Variants in LPIN1 observed in about 807,000 individuals in gnomAD.
LPIN1 encodes phosphatidate phosphatase LPIN1.
A neutral mutation model predicts 107.5 loss-of-function variants in LPIN1; 71 were observed. The observed-to-expected ratio is 0.66, with a 90% CI of 0.55 to 0.80. The LOEUF is 0.80. Ranked by LOEUF, LPIN1 falls within the 30% of genes least tolerant of loss-of-function variation. LPIN1 has a pLI of 0.00. For missense variants in LPIN1, 1,043 were observed against 1,160.6 expected, an observed-to-expected ratio of 0.90 and a Z score of 1.47; for synonymous variants, 445 against 452.6, an observed-to-expected ratio of 0.98 and a Z score of 0.21.
chr2:11,823,524 C>T (rs1385327019), intron 20 of LPIN1, among the ~76,000 whole-genome samples: 1 of 123,772 alleles, frequency 8.1e-6, no homozygotes, highest in Non-Finnish European at 1.8e-5. Flanking sequence ...AATATACACA[C>T]TCGGCTTCAT....
At chr2:11,768,851 GC>G (rs1671384503) in intron 3 of LPIN1, among the ~76,000 whole-genome samples, 1 of 152,122 alleles carries the variant, frequency 6.6e-6, no homozygotes, top group Non-Finnish European at 1.5e-5. Context: ...CAGGAGAATG[GC>G]GTGAACCCGG....
In LPIN1 at chr2:11,708,375, C is replaced by A. The variant is rs1212888619; in HGVS notation, c.82-5381C>A. On this transcript the variant is annotated intron_variant, in intron 1 of 21. Coordinates refer to the LPIN1 transcript ENST00000449576. ...TGAGTCATGGAAATGACTCCAAGGA[C>A]AGATTTGGGTGGAGGGTCAACCTTC... Among the ~76,000 whole-genome samples the A allele has an allele frequency of 2.0e-5, 3 of 152,010 alleles. No homozygotes were observed. The East Asian group carries it at 5.8e-4, about 29-fold the overall frequency.
chr2:11,684,456 G>T (rs1209641808), intron 1 of LPIN1, among the ~76,000 whole-genome samples: 1 of 152,210 alleles, frequency 6.6e-6, no homozygotes, highest in Non-Finnish European at 1.5e-5. Context: ...GGAATTACAG[G>T]CATGAGCCAC....
intron 14 of LPIN1, among the ~76,000 whole-genome samples, chr2:11,798,520 T>C (rs1013375083): frequency 6.6e-6 from 1 of 152,302 alleles, no homozygotes; most frequent in Admixed American, 6.5e-5. Flanking sequence ...TGTCACGGAT[T>C]TTCTCACTGT....
At chr2:11,687,686 T>C (rs758421706) in intron 1 of LPIN1, among the ~76,000 whole-genome samples, 52 of 152,226 alleles carry the variant, frequency 3.4e-4, no homozygotes, top group Non-Finnish European at 6.3e-4. Context: ...ACCTTCCCCA[T>C]AGGGCTGTCC....
chr2:11,742,933 T>C (rs577447604), upstream of LPIN1, among the ~76,000 whole-genome samples: 2 of 152,356 alleles, frequency 1.3e-5, no homozygotes, highest in East Asian at 3.9e-4. Context: ...CCGTGGTTCA[T>C]TCTGCTCCTT....
chr2:11,732,265 CTATATT>C (rs1219034884), intron 1 of LPIN1, among the ~76,000 whole-genome samples: 3 of 152,148 alleles, frequency 2.0e-5, no homozygotes, highest in Non-Finnish European at 2.9e-5. Flanking sequence ...CATTTGTTAC[CTATATT>C]TATAACAGAA....
In LPIN1 at chr2:11,783,917, C is replaced by CA; in HGVS notation, c.1358dup (p.Asn453LysfsTer86). The CA allele has an allele frequency of 6.2e-7, 1 of 1,613,902 alleles. No homozygotes were observed. The highest frequency in any genetic ancestry group is 8.5e-7 in the Non-Finnish European group (1 of 1,179,850). On this transcript the variant is annotated frameshift_variant, in exon 9 of 21. Transcript: ENST00000674199. LOFTEE classifies it high-confidence loss of function. ...CTGAAGTGGCGGCCCTGTATTTTCC[C>CA]AAAAAGTAAAATTCCTGTTAATTCC...
intron 14 of LPIN1, among the ~76,000 whole-genome samples, chr2:11,797,253 A>C (rs1271077708): frequency 6.6e-6 from 1 of 152,244 alleles, no homozygotes; most frequent in African/African-American, 2.4e-5. Flanking sequence ...TTGGCAAATT[A>C]ATCCACCTCT....
In LPIN1 at chr2:11,767,767, A is replaced by G. The variant is rs1172234877; in HGVS notation, c.197A>G (p.Asp66Gly). The change falls in exon 3 of 21, where the codon GAC becomes GGC. Residue 66 changes from aspartate to glycine, a missense_variant. By Grantham distance (94) the Asp-to-Gly change is moderately conservative (BLOSUM62 -1). Transcript: ENST00000674199. ...TTAACCATGTTTTCCCTTCAGGTTGACATAGAAATCAATGGGGAATCTGTG... is the reference window on the plus strand; with the variant it reads ...TTAACCATGTTTTCCCTTCAGGTTGGCATAGAAATCAATGGGGAATCTGTG... ...GVLRSREKVV[D>G]IEINGESVDL... is the part of the protein sequence containing the mutation. The G allele has an allele frequency of 1.9e-6, 3 of 1,602,328 alleles. No homozygotes were observed. The highest frequency in any genetic ancestry group is 2.2e-5 in the South Asian group (2 of 90,830).
rs74553884 is a variant in LPIN1 at position 11,791,596 on chromosome 2, A to G, written c.1714-318A>G. On this transcript the variant is annotated intron_variant, in intron 12 of 20. Coordinates refer to ENST00000674199, the MANE Select transcript of LPIN1 (RefSeq NM_001349206.2). ...TTAACCAGTTAGCCACTTTAATTTG[A>G]AAACTTCCAGTCTTACTAATCACTA... 3.2e-3 allele frequency: 3,756 copies of G among 1,167,678 alleles called. 92 individuals carry two copies. The African/African-American group carries it at 0.054, about 17-fold the overall frequency. The allele number at this position is 1,167,678 out of a possible 1,614,324, so 72.3% of individuals were successfully genotyped here. A position where few individuals can be genotyped will look rare whatever the true frequency, so the allele number is the denominator to read the frequency against.
intron 1 of LPIN1, among the ~76,000 whole-genome samples, chr2:11,751,334 TC>T (rs1667759280): frequency 6.6e-6 from 1 of 152,116 alleles, no homozygotes; most frequent in Admixed American, 6.5e-5. Flanking sequence ...CATCCTTCAC[TC>T]CCAGTTCTCT....
intron 14 of LPIN1, 53 bp from the exon 15 acceptor site, chr2:11,802,854 A>T: frequency 6.2e-7 from 1 of 1,605,438 alleles, no homozygotes; most frequent in Non-Finnish European, 8.5e-7. Flanking sequence ...TGCATTTTTC[A>T]TGGCTACCCA....
intron 1 of LPIN1, among the ~76,000 whole-genome samples, chr2:11,750,785 C>T (rs192458954): frequency 1.9e-3 from 258 of 135,602 alleles, no homozygotes; most frequent in African/African-American, 8.2e-3. Context: ...CTCTTACCTG[C>T]TGAGCTATAT....
chr2:11,731,441 A>G (rs1665219867), intron 1 of LPIN1, among the ~76,000 whole-genome samples: 1 of 152,150 alleles, frequency 6.6e-6, no homozygotes, highest in Non-Finnish European at 1.5e-5. Flanking sequence ...TCCATGGTGT[A>G]TATGTGCCAC....
At chr2:11,680,087 G>GCC (rs1025206703) in intron 1 of LPIN1, among the ~76,000 whole-genome samples, 1 of 152,208 alleles carries the variant, frequency 6.6e-6, no homozygotes, top group African/African-American at 2.4e-5. Context: ...GATCAGGCAG[G>GCC]CCCCCGATGG....
In LPIN1 at chr2:11,765,524, GT is replaced by G. The variant is rs1558843857; in HGVS notation, c.-9-5del. The G allele has an allele frequency of 6.2e-6, 10 of 1,601,424 alleles. No homozygotes were observed. Among genetic ancestry groups the G allele is most frequent in the Non-Finnish European group, 7.7e-6 (9 of 1,173,258 alleles). ...TGTCTGTGTGTGTTTTTTTTTGTCT[GT>G]TTTCCAGGTGCAGACCATGAATTAC... On this transcript the variant is annotated splice_polypyrimidine_tract_variant and splice_region_variant and intron_variant, in intron 1 of 20. Coordinates refer to ENST00000674199, the MANE Select transcript of LPIN1 (RefSeq NM_001349206.2). This position sits in a 1 kb window ranked among gnomAD's most constrained non-coding sequence, Gnocchi z 4.4.
chr2:11,820,587 G>C, intron 20 of LPIN1, 73 bp downstream of exon 20: 1 of 1,114,582 alleles, frequency 9.0e-7, no homozygotes, highest in Non-Finnish European at 1.4e-6. Context: ...CCCAGTTTGC[G>C]GTGTACCTTT....
chr2:11,784,967 C>T lies in LPIN1; in HGVS notation c.1440C>T (p.Ser480=). The T allele has an allele frequency of 6.2e-7, 1 of 1,613,938 alleles. No homozygotes were observed. Among genetic ancestry groups the T allele is most frequent in the Non-Finnish European group, 8.5e-7 (1 of 1,180,018 alleles). Residue 480 remains serine (S), a synonymous_variant, in exon 10 of 21, where the codon AGC becomes AGT. Coordinates refer to ENST00000674199, the MANE Select transcript of LPIN1 (RefSeq NM_001349206.2). ...SANQSPQSVG[S]SGVDSGVEST... ...ACCAGTCCCCGCAGTCGGTGGGCAG[C>T]TCGGGCGTGGACAGTGGCGTGGAGA...
Sources: allele counts gnomAD v4.1 joint callset (sites outside exome capture counted in the v4.1 genomes callset), GRCh38; gene constraint gnomAD v4.1.1; non-coding constraint Gnocchi (gnomAD v3.1); transcripts MANE v1.5; gene names NCBI Gene and HGNC (gene_info 2026-07-23, HGNC 2026-07-21).